The following LIPA variants were observed in gnomAD, a reference collection of about 807,000 sequenced individuals.
The protein encoded by LIPA is lysosomal acid lipase/cholesteryl ester hydrolase.
LIPA carries 26 observed loss-of-function variants against 40.6 expected under a neutral mutation model. The ratio of observed to expected loss-of-function variants is 0.64; its 90% CI spans 0.47 to 0.89. LIPA has a LOEUF of 0.89. Ranked by LOEUF, LIPA falls within the 40% of genes least tolerant of loss-of-function variation. LIPA has a pLI of 0.00. For synonymous variants in LIPA, 188 were observed against 168.4 expected, an observed-to-expected ratio of 1.12 and a Z score of -0.90; for missense variants, 455 against 479.6, an observed-to-expected ratio of 0.95 and a Z score of 0.48.
chr10:89,227,042 A>T, intron 4 of LIPA, 38 bp from the exon 5 acceptor site: 4 of 1,224,972 alleles, frequency 3.3e-6, no homozygotes, highest in Non-Finnish European at 4.8e-6. Context: ...TTGAAATAGT[A>T]CATAAAATAG....
chr10:89,231,425 GTGT>G (rs142551465), intron 3 of LIPA, among the ~76,000 whole-genome samples: 4,287 of 152,020 alleles, frequency 0.028, 201 homozygotes, highest in African/African-American at 0.097. Flanking sequence ...CTATACCCTC[GTGT>G]TGTTAAAATA....
chr10:89,235,533 C>T (rs186328549), intron 3 of LIPA, among the ~76,000 whole-genome samples: 487 of 152,346 alleles, frequency 3.2e-3, no homozygotes, highest in Non-Finnish European at 4.8e-3. Flanking sequence ...GGCGATTACT[C>T]AAGCTCCGAA....
intron 2 of LIPA, among the ~76,000 whole-genome samples, chr10:89,368,178 G>A (rs555476374): frequency 1.3e-5 from 2 of 152,280 alleles, no homozygotes; most frequent in South Asian, 4.1e-4. Flanking sequence ...TGGGGCACAC[G>A]ACCTGGAGGA....
In LIPA at chr10:89,349,500, T is replaced by C. The variant is rs191271268; in HGVS notation, c.61+63291A>G. ...TCAATTATCAAGCCCTCAAAAGATA[T>C]AGGGAAAATGTGTCCTCCCCCTACC... is the stretch of plus-strand genomic sequence containing the variant. On this transcript the variant is annotated intron_variant, in intron 2 of 8. Transcript: ENST00000371837. Among the ~76,000 whole-genome samples, 104 of 152,306 alleles carry C rather than the reference T, an allele frequency of 6.8e-4. 1 individual carries two copies. The highest frequency in any genetic ancestry group is 1.1e-3 in the Non-Finnish European group (73 of 68,018).
At chr10:89,361,842 GAA>G (rs748257860) in intron 2 of LIPA, among the ~76,000 whole-genome samples, 1 of 127,160 alleles carries the variant, frequency 7.9e-6, no homozygotes, top group African/African-American at 3.0e-5. Flanking sequence ...CAGCTATGGG[GAA>G]AAAAAAATCC....
At chr10:89,268,845 G>A (rs958063647) in intron 1 of LIPA, among the ~76,000 whole-genome samples, 2 of 151,858 alleles carry the variant, frequency 1.3e-5, no homozygotes, top group South Asian at 4.2e-4. Flanking sequence ...AGTTAGCTGG[G>A]CGCGGTGACG....
At chr10:89,280,326 C>G (rs1485070377) in intron 1 of LIPA, among the ~76,000 whole-genome samples, 1 of 152,092 alleles carries the variant, frequency 6.6e-6, no homozygotes, top group Non-Finnish European at 1.5e-5. Flanking sequence ...GAAGAATCTC[C>G]CTCCATAGTC....
chr10:89,237,930 C>A (rs1420555614), intron 3 of LIPA, among the ~76,000 whole-genome samples: 1 of 152,170 alleles, frequency 6.6e-6, no homozygotes, highest in East Asian at 1.9e-4. Flanking sequence ...CACACATACA[C>A]TATGGAAAGG....
Position 89,242,822 on chromosome 10 carries a change from C to A in LIPA, c.229+2854G>T, listed in dbSNP as rs114697824. On this transcript the variant is annotated intron_variant, in intron 3 of 9. Coordinates refer to ENST00000336233, the MANE Select transcript of LIPA (RefSeq NM_000235.4). ...AATCCTGTCTTGAAATTCTTTCTTTCTGTTAGTATACGAGGAGCCTTGAAA... is the reference window on the plus strand; with the variant it reads ...AATCCTGTCTTGAAATTCTTTCTTTATGTTAGTATACGAGGAGCCTTGAAA... 1.9e-3 allele frequency among the ~76,000 whole-genome samples: 286 copies of A among 152,260 alleles called. 2 individuals are homozygous for A. The highest frequency in any genetic ancestry group is 6.6e-3 in the African/African-American group (274 of 41,536).
chr10:89,248,643 T>A lies in LIPA; in HGVS notation c.-1-994A>T, dbSNP rs183067326. Among the ~76,000 whole-genome samples, 663 of 145,346 alleles carry A rather than the reference T, an allele frequency of 4.6e-3. 2 individuals carry two copies. The highest frequency in any genetic ancestry group is 7.8e-3 in the Non-Finnish European group (526 of 67,262). On this transcript the variant is annotated intron_variant, in intron 1 of 9. Transcript: ENST00000336233. ...GCGCCCGCCACCACGCCCGGCAAAT[T>A]TTTTTGTATTTTTTTTTTTTTAGTA...
chr10:89,301,707 C>A (rs1189899538), intron 1 of LIPA, among the ~76,000 whole-genome samples: 2 of 152,130 alleles, frequency 1.3e-5, no homozygotes, highest in East Asian at 3.8e-4. Flanking sequence ...CTGAAAAGAA[C>A]CCTTTTGTTA....
chr10:89,241,433 C>G (rs3892343), intron 3 of LIPA, among the ~76,000 whole-genome samples: 49,131 of 152,084 alleles, frequency 0.32, 10,132 homozygotes, highest in African/African-American at 0.59. Context: ...AGATTACCAA[C>G]GCCTATGTGT....
chr10:89,391,701 T>C (rs922837196), intron 2 of LIPA, among the ~76,000 whole-genome samples: 9 of 151,942 alleles, frequency 5.9e-5, no homozygotes, highest in African/African-American at 2.2e-4. Context: ...AGCTAATTTT[T>C]TGTATTTTAG....
At chr10:89,366,923 T>G (rs932963099) in intron 2 of LIPA, among the ~76,000 whole-genome samples, 1 of 151,968 alleles carries the variant, frequency 6.6e-6, no homozygotes, top group Non-Finnish European at 1.5e-5. Context: ...TTGGAACCAA[T>G]CCAAATGTCC....
At chr10:89,218,092 C>T (rs1231842712) in intron 8 of LIPA, among the ~76,000 whole-genome samples, 3 of 152,068 alleles carry the variant, frequency 2.0e-5, no homozygotes, top group African/African-American at 7.2e-5. Context: ...AGATAATGAT[C>T]AGGAGGAAAT....
chr10:89,376,146 C>T (rs1844119538), intron 2 of LIPA, among the ~76,000 whole-genome samples: 1 of 148,638 alleles, frequency 6.7e-6, no homozygotes, highest in South Asian at 2.1e-4. Flanking sequence ...AGAGATAGTG[C>T]CACTGTACTC....
chr10:89,328,079 G>A (rs747346790), intron 1 of LIPA: 7 of 1,613,994 alleles, frequency 4.3e-6, no homozygotes, highest in South Asian at 2.2e-5. Flanking sequence ...CAGTCATGAG[G>A]TCAGTGAAAT....
At chr10:89,293,520 A>G (rs1462051050) in intron 1 of LIPA, 2 of 152,134 alleles carry the variant, frequency 1.3e-5, no homozygotes, top group Non-Finnish European at 2.9e-5. Flanking sequence ...TGGCTGCCAT[A>G]ATGAAAAATC....
rs755069064 is a variant in LIPA at position 89,403,511 on chromosome 10, A to G, written c.61+9280T>C. The G allele has an allele frequency of 1.9e-6, 3 of 1,613,188 alleles. 1 individual carries two copies. The South Asian group carries it at 3.3e-5, about 18-fold the overall frequency. ...AAGCTATAAAAATAGAACAGGCATC[A>G]TTAACAAGGGATAAAAGTATCAATT... On this transcript the variant is annotated intron_variant, in intron 2 of 8. Transcript: ENST00000371837.
Sources: gnomAD v4.1 joint callset for allele counts (sites outside exome capture counted in the v4.1 genomes callset) on GRCh38, gnomAD v4.1.1 for gene constraint, MANE v1.5 for transcripts, NCBI Gene and HGNC (gene_info 2026-07-23, HGNC 2026-07-21) for gene names.